Variants in NCAPG2 observed in about 807,000 individuals in gnomAD.
NCAPG2 encodes the protein non-SMC condensin II complex subunit G2, also known as condensin-2 complex subunit G2.
Under a neutral mutation model 141.1 loss-of-function variants are expected in NCAPG2, and 53 were observed. That is an observed-to-expected ratio of 0.38 (90% confidence interval 0.30 to 0.47). The LOEUF (loss-of-function observed/expected upper bound fraction) is 0.47, where lower values mean the gene tolerates loss of function less well. Ranked by LOEUF, NCAPG2 falls within the 20% of genes least tolerant of loss-of-function variation. The probability of loss-of-function intolerance (pLI) is 0.99; values close to 1 mark genes in which losing one functional copy is unlikely to be tolerated. For missense variants in NCAPG2, 1,087 were observed against 1,389.0 expected (o/e 0.78, Z 3.46); for synonymous variants, 499 against 490.7 (o/e 1.02, Z -0.22).
rs532481739 is a variant in NCAPG2, at chr7:158,675,170, T to C, written c.1326+307A>G. Among the ~76,000 whole-genome samples, 6 of 152,340 alleles carry C rather than the reference T, an allele frequency of 3.9e-5. No homozygotes were observed. The East Asian group carries it at 1.2e-3, about 29-fold the overall frequency. On this transcript the variant is annotated intron_variant, in intron 12 of 27. Transcript: ENST00000356309. ...CTTAAGTGAATCCAAATATATTATA[T>C]GTACAAGATTCTATGCAAAGCATAT...
intron 2 of NCAPG2, among the ~76,000 whole-genome samples, chr7:158,701,102 C>T (rs1159669726): frequency 2.0e-5 from 3 of 152,216 alleles, no homozygotes; most frequent in East Asian, 1.9e-4. Context: ...CCTCTTCCCA[C>T]GTTCATGAGC....
At chr7:158,669,841 A>C (rs868592324) in intron 13 of NCAPG2, among the ~76,000 whole-genome samples, 9 of 149,438 alleles carry the variant, frequency 6.0e-5, no homozygotes, top group Admixed American at 4.0e-4. Flanking sequence ...AGGTCTCACT[A>C]TGTTGCCCAG....
intron 27 of NCAPG2, among the ~76,000 whole-genome samples, chr7:158,637,624 G>C (rs577345633): frequency 3.6e-4 from 1 of 2,800 alleles, no homozygotes; most frequent in East Asian, 0.019. Flanking sequence ...ACATCCCCCC[G>C]GCCCACCACC....
At position 158,644,185 on chromosome 7, in the gene NCAPG2, A is replaced by G. The variant is rs931936567; in HGVS notation, c.3380+104T>C. On this transcript the variant is annotated intron_variant, in intron 27 of 27. Transcript: ENST00000356309. ...TCTCCTTAGAGTCCCCAGTCTCCTAACCACCTGGGTGTAAGTAGCAGAAAT... is the reference window on the plus strand; with the variant it reads ...TCTCCTTAGAGTCCCCAGTCTCCTAGCCACCTGGGTGTAAGTAGCAGAAAT... The G allele has an allele frequency of 8.5e-6, 8 of 940,480 alleles. No homozygotes were observed. The Admixed American group carries it at 1.6e-4, about 19-fold the overall frequency. The allele number at this position is 940,480 out of a possible 1,614,324, so 58.3% of individuals were successfully genotyped here. A position where few individuals can be genotyped will look rare whatever the true frequency, so the allele number is the denominator to read the frequency against.
Position 158,664,313 on chromosome 7 carries a change from A to G in NCAPG2, c.1703-17T>C. 6.3e-7 allele frequency: 1 copy of G among 1,588,924 alleles called. No homozygotes were observed. The highest frequency in any genetic ancestry group is 1.1e-5 in the South Asian group (1 of 90,396). ...TCAGCTTTGCTGAAATGTTTAGGAT[A>G]AACAAGAATTAATGGATGTGTTTCT... On this transcript the variant is annotated splice_polypyrimidine_tract_variant and intron_variant, in intron 14 of 27. Transcript: ENST00000356309.
chr7:158,689,645 G>A (rs918850107), intron 6 of NCAPG2, among the ~76,000 whole-genome samples, 174 bp downstream of exon 6: 1 of 152,174 alleles, frequency 6.6e-6, no homozygotes, highest in African/African-American at 2.4e-5. Flanking sequence ...AAATAAGCAA[G>A]GACTTGTAAA....
At chr7:158,635,485 G>A (rs1830123715) in intron 27 of NCAPG2, among the ~76,000 whole-genome samples, 1 of 151,896 alleles carries the variant, frequency 6.6e-6, no homozygotes. Context: ...AAATTCATGA[G>A]GTAACACAAA....
At position 158,631,698 on chromosome 7, in the gene NCAPG2, A is replaced by T. The variant is rs1273138089; in HGVS notation, c.3400T>A (p.Ser1134Thr). The T allele has an allele frequency of 6.2e-7, 1 of 1,600,654 alleles. No individual in the cohort carries two copies. The highest frequency in any genetic ancestry group is 2.2e-5 in the East Asian group (1 of 44,764). Reference sequence around the variant, plus strand: ...TTCAAAAGTTCTCCCAGAGTTCTTGATGATGATTCATAGAGAAATCTGAAA... The same window carrying T: ...TTCAAAAGTTCTCCCAGAGTTCTTGTTGATGATTCATAGAGAAATCTGAAA... The part of the protein sequence containing the change: ...SIERFLYESS[S>T]RTLGELLNS The change falls in exon 28 of 28, where the codon TCA (serine) becomes ACA (threonine). Residue 1134 changes from serine (S) to threonine (T), a missense_variant. Transcript: ENST00000356309.
At chr7:158,639,794 A>G (rs376207089) in intron 27 of NCAPG2, 2 of 949,906 alleles carry the variant, frequency 2.1e-6, no homozygotes, top group Non-Finnish European at 2.5e-6. Context: ...AAAACACTAC[A>G]AAACAAAACA....
chr7:158,691,086 T>C (rs1563575477), intron 4 of NCAPG2, among the ~76,000 whole-genome samples: 1 of 152,242 alleles, frequency 6.6e-6, no homozygotes, highest in East Asian at 1.9e-4. Context: ...CCAAGACAGG[T>C]CTACTGACCA....
At chr7:158,652,142 C>G (rs1831538313) in intron 23 of NCAPG2, 151 bp downstream of exon 23, 1 of 756,852 alleles carries the variant, frequency 1.3e-6, no homozygotes, top group South Asian at 1.8e-5. Flanking sequence ...GACTCCATCT[C>G]TCTCAGTGCA....
chr7:158,656,957 C>T (rs947841924), intron 17 of NCAPG2, among the ~76,000 whole-genome samples: 1 of 152,222 alleles, frequency 6.6e-6, no homozygotes, highest in Non-Finnish European at 1.5e-5. Context: ...ACACAAAGCC[C>T]TCATCCTTCT....
intron 1 of NCAPG2, among the ~76,000 whole-genome samples, chr7:158,704,327 ACT>A (rs1836021418): frequency 1.3e-5 from 1 of 76,228 alleles, no homozygotes; most frequent in Non-Finnish European, 2.6e-5. Flanking sequence ...CTGAGGGGAC[ACT>A]CTCTGAGGGC....
At position 158,679,968 on chromosome 7, in the gene NCAPG2, C is replaced by T. The variant is rs1260371915; in HGVS notation, c.1138G>A (p.Glu380Lys). 1 of 1,614,050 alleles carries T rather than the reference C, an allele frequency of 6.2e-7. No individual in the cohort carries two copies. Reference sequence around the variant, plus strand: ...CCACCTGAAGTACGTACATAGAGCTCTTCAAACTGTTTCTGGATTTCACTA... The same window carrying T: ...CCACCTGAAGTACGTACATAGAGCTTTTCAAACTGTTTCTGGATTTCACTA... Reference protein sequence around the residue: ...MDSEIQKQFEELYSLLEDPYP... With the variant: ...MDSEIQKQFEKLYSLLEDPYP... Residue 380 changes from glutamate (E) to lysine (K), a missense_variant, in exon 11 of 28, where the codon GAG (glutamate) becomes AAG (lysine). Glu to Lys is a moderately conservative substitution (Grantham distance 56). Coordinates refer to ENST00000356309, the MANE Select transcript of NCAPG2 (RefSeq NM_017760.7).
rs1563516233 is a variant in NCAPG2 at position 158,655,331 on chromosome 7, A to G, written c.2505+8T>C. On this transcript the variant is annotated splice_region_variant and intron_variant, in intron 20 of 27. Coordinates refer to ENST00000356309, the MANE Select transcript of NCAPG2 (RefSeq NM_017760.7). ...ATCATCCTAATAGAGGGCCAGGAGC[A>G]GGCACACCTTGTGCTGAAGATGGAT... The G allele has an allele frequency of 1.2e-6, 2 of 1,614,210 alleles. No homozygotes were observed. Among genetic ancestry groups the G allele is most frequent in the East Asian group, 2.2e-5 (1 of 44,880 alleles).
rs1383538034 is a variant in NCAPG2, at chr7:158,656,409, C to T, written c.2239G>A (p.Val747Met). The part of the protein sequence containing the change: ...AKSNTASKGR[V>M]QIHDTRPVKP... ...ACTGGGCGTGTGTCATGGATCTGCA[C>T]CCTACCTTTAGAAGCTGTGTTGCTC... is the stretch of plus-strand genomic sequence containing the variant. The change falls in exon 19 of 28, where the codon GTG (valine) becomes ATG (methionine). Residue 747 changes from valine (V) to methionine (M), a missense_variant. Coordinates refer to ENST00000356309, the MANE Select transcript of NCAPG2 (RefSeq NM_017760.7). 1.2e-6 allele frequency: 2 copies of T among 1,614,086 alleles called. No homozygotes were observed. Among genetic ancestry groups the T allele is most frequent in the Non-Finnish European group, 1.7e-6 (2 of 1,180,008 alleles).
rs116167050 is a variant in NCAPG2, at chr7:158,657,014, G to C, written c.2061-309C>G. ...TTCTAGAGCAAGAGTTTCTACTTTT[G>C]AAGAACAATTTTTGTTTAGCATCAA... is the stretch of plus-strand genomic sequence containing the variant. On this transcript the variant is annotated intron_variant, in intron 17 of 27. Transcript: ENST00000356309. Among the ~76,000 whole-genome samples the C allele has an allele frequency of 4.6e-3, 699 of 152,232 alleles. 1 individual carries two copies. The highest frequency in any genetic ancestry group is 0.016 in the African/African-American group (667 of 41,538).
chr7:158,672,057 G>A (rs1400055338), intron 12 of NCAPG2, among the ~76,000 whole-genome samples: 3 of 151,912 alleles, frequency 2.0e-5, no homozygotes, highest in Non-Finnish European at 4.4e-5. Context: ...ACTCGATACT[G>A]CATGAGGATT....
chr7:158,683,214 C>G (rs1416834246), intron 9 of NCAPG2, 86 bp downstream of exon 9: 1 of 1,177,912 alleles, frequency 8.5e-7, no homozygotes, highest in Non-Finnish European at 1.2e-6. Flanking sequence ...TCTGTGAAAG[C>G]TTAATTTTAA....
Sources: allele counts gnomAD v4.1 joint callset (sites outside exome capture counted in the v4.1 genomes callset), GRCh38; gene constraint gnomAD v4.1.1; transcripts MANE v1.5; gene names NCBI Gene and HGNC (gene_info 2026-07-23, HGNC 2026-07-21).